PDE4D: variants seen among roughly 807,000 people sequenced by gnomAD.
The protein encoded by PDE4D is 3',5'-cyclic-AMP phosphodiesterase 4D.
In PDE4D, 24 loss-of-function variants were observed where a neutral mutation model predicts 87.4. That is an observed-to-expected ratio of 0.27 (90% CI 0.20 to 0.39). The LOEUF (loss-of-function observed/expected upper bound fraction) is 0.39. Among genes scored for constraint, PDE4D ranks in the 10% least tolerant of loss-of-function variants. The pLI, the probability that PDE4D is intolerant of heterozygous loss-of-function variation, is 1.00. For missense variants in PDE4D, 714 were observed against 1,041.0 expected (o/e 0.69, Z 4.32); for synonymous variants, 384 against 383.2 (o/e 1.00, Z -0.02).
At chr5:60,435,213 T>G (rs1744667844) in intron 1 of PDE4D, among the ~76,000 whole-genome samples, 1 of 152,090 alleles carries the variant, frequency 6.6e-6, no homozygotes, top group Non-Finnish European at 1.5e-5. Flanking sequence ...GAACAATGTG[T>G]TATGCATTTT....
chr5:59,734,128 C>T (rs1244954475), intron 1 of PDE4D, among the ~76,000 whole-genome samples: 1 of 152,106 alleles, frequency 6.6e-6, no homozygotes, highest in Non-Finnish European at 1.5e-5. Flanking sequence ...TACACGCACA[C>T]CCAAACACAC....
chr5:59,273,198 G>A (rs533726915), intron 1 of PDE4D, among the ~76,000 whole-genome samples: 18 of 152,200 alleles, frequency 1.2e-4, no homozygotes, highest in African/African-American at 4.3e-4. Flanking sequence ...GTAGGGTGGT[G>A]GTGGAGAAAT....
chr5:59,704,856 T>C lies in PDE4D; in HGVS notation c.455+188312A>G, dbSNP rs546839774. On this transcript the variant is annotated intron_variant, in intron 1 of 14. Coordinates refer to ENST00000340635, the MANE Select transcript of PDE4D (RefSeq NM_001104631.2). ...CAACTTACATACAAAATGGAAAAAATGGAACCAGAACACCTTAAAATGTTT... is the reference window on the plus strand; with the variant it reads ...CAACTTACATACAAAATGGAAAAAACGGAACCAGAACACCTTAAAATGTTT... Among the ~76,000 whole-genome samples the C allele has an allele frequency of 1.2e-4, 18 of 152,190 alleles. No individual in the cohort carries two copies. The East Asian group carries it at 1.7e-3, about 15-fold the overall frequency.
chr5:60,151,429 A>G (rs1262825842), intron 2 of PDE4D, among the ~76,000 whole-genome samples: 1 of 151,848 alleles, frequency 6.6e-6, no homozygotes, highest in African/African-American at 2.4e-5. Context: ...ATCTTCTTTA[A>G]TTTCTTTCAT....
intron 1 of PDE4D, among the ~76,000 whole-genome samples, chr5:59,469,285 G>A (rs1261506217): frequency 2.0e-5 from 3 of 151,928 alleles, no homozygotes; most frequent in South Asian, 2.1e-4. Flanking sequence ...CTGAGATCAC[G>A]CCACCGCACT....
At chr5:59,448,966 C>T (rs1798749867) in intron 1 of PDE4D, among the ~76,000 whole-genome samples, 1 of 152,126 alleles carries the variant, frequency 6.6e-6, no homozygotes, top group Non-Finnish European at 1.5e-5. Flanking sequence ...CAAAAAACTG[C>T]TCCCCAGGTG....
chr5:59,184,737 T>C (rs556319469), intron 4 of PDE4D, among the ~76,000 whole-genome samples: 2 of 152,262 alleles, frequency 1.3e-5, no homozygotes, highest in South Asian at 2.1e-4. Flanking sequence ...AATTGCTCCA[T>C]GAATGCTGCT....
chr5:59,767,409 A>C (rs1195940406), intron 1 of PDE4D, among the ~76,000 whole-genome samples: 1 of 152,166 alleles, frequency 6.6e-6, no homozygotes, highest in Non-Finnish European at 1.5e-5. Flanking sequence ...GCCTCTACTC[A>C]GGCAGAAACT....
rs570444320 is a variant in PDE4D at position 59,569,556 on chromosome 5, C to T, written c.455+323612G>A. Among the ~76,000 whole-genome samples, 14 of 152,284 alleles carry T rather than the reference C, an allele frequency of 9.2e-5. 1 individual carries two copies. In the South Asian group the frequency reaches 1.9e-3, roughly 20 times the overall value. On this transcript the variant is annotated intron_variant, in intron 1 of 14. Transcript: ENST00000340635. ...AACGCATGTTTGTCCATCCTTACTT[C>T]GCCACCTGGACCAATGCAGGCCATG...
chr5:59,354,425 T>C (rs192791070), intron 1 of PDE4D, among the ~76,000 whole-genome samples: 3 of 152,192 alleles, frequency 2.0e-5, no homozygotes, highest in African/African-American at 7.2e-5. Context: ...ATTCCAAGAA[T>C]GCTATGCAAT....
intron 1 of PDE4D, among the ~76,000 whole-genome samples, chr5:60,509,499 T>C (rs975552774): frequency 1.3e-5 from 2 of 152,250 alleles, no homozygotes; most frequent in African/African-American, 4.8e-5. Context: ...ATAATGAAGA[T>C]TGACCATACA....
intron 1 of PDE4D, among the ~76,000 whole-genome samples, chr5:59,745,936 C>T (rs1759539789): frequency 2.0e-5 from 3 of 152,184 alleles, no homozygotes; most frequent in Admixed American, 2.0e-4. Context: ...GTTTTATTAA[C>T]AATTATGATA....
intron 3 of PDE4D, among the ~76,000 whole-genome samples, chr5:59,968,467 T>C (rs1428212350): frequency 6.6e-6 from 1 of 152,050 alleles, no homozygotes; most frequent in East Asian, 1.9e-4. Context: ...AAATTACCTA[T>C]CTTGTACTAT....
intron 6 of PDE4D, among the ~76,000 whole-genome samples, chr5:59,003,352 T>G (rs1411918988): frequency 1.3e-5 from 2 of 152,174 alleles, no homozygotes; most frequent in East Asian, 3.9e-4. Flanking sequence ...CTCCTCCACC[T>G]TCACCATACA....
At chr5:60,149,334 G>C (rs1444961967) in intron 2 of PDE4D, among the ~76,000 whole-genome samples, 1 of 152,100 alleles carries the variant, frequency 6.6e-6, no homozygotes. Context: ...GAAATAGAGA[G>C]AGCTTGCTTT....
At chr5:60,195,812 C>T (rs17384768) in intron 1 of PDE4D, among the ~76,000 whole-genome samples, 9,681 of 151,714 alleles carry the variant, frequency 0.064, 571 homozygotes, top group Middle Eastern at 0.075. Flanking sequence ...AAGCCTGTTC[C>T]GAGTTATTCT....
chr5:59,937,575 T>C (rs1273758864), intron 3 of PDE4D, among the ~76,000 whole-genome samples: 1 of 152,178 alleles, frequency 6.6e-6, no homozygotes, highest in Non-Finnish European at 1.5e-5. Context: ...CACAAGGACT[T>C]TCCCTGGTGC....
chr5:60,244,498 C>T (rs548550274), intron 1 of PDE4D, among the ~76,000 whole-genome samples: 2 of 151,802 alleles, frequency 1.3e-5, no homozygotes, highest in African/African-American at 4.8e-5. Flanking sequence ...CAAATCTATC[C>T]TAATCAAAAG....
At chr5:59,404,434 A>G (rs1374453921) in intron 1 of PDE4D, among the ~76,000 whole-genome samples, 1 of 151,834 alleles carries the variant, frequency 6.6e-6, no homozygotes, top group Admixed American at 6.6e-5. Context: ...CTAGGCAGGT[A>G]TATCACTTGA....
Sources: allele counts gnomAD v4.1 joint callset (sites outside exome capture counted in the v4.1 genomes callset), GRCh38; gene constraint gnomAD v4.1.1; transcripts MANE v1.5; gene names NCBI Gene and HGNC (gene_info 2026-07-23, HGNC 2026-07-21).